The following ZNF804A variants were observed in gnomAD, a reference collection of about 807,000 sequenced individuals.
ZNF804A encodes zinc finger protein 804A.
Under a neutral mutation model 16.5 loss-of-function variants are expected in ZNF804A, and 2 were observed. The observed-to-expected ratio is 0.12, with a 90% CI of 0.05 to 0.38. ZNF804A has a LOEUF of 0.38. Ranked by LOEUF, ZNF804A falls within the 10% of genes least tolerant of loss-of-function variation. The pLI is 0.99. For synonymous variants in ZNF804A, 534 were observed against 489.6 expected (o/e 1.09, Z -1.20); for missense variants, 1,473 against 1,390.7 (o/e 1.06, Z -0.94).
At chr2:184,618,037 C>T (rs1280052183) in intron 1 of ZNF804A, among the ~76,000 whole-genome samples, 1 of 151,948 alleles carries the variant, frequency 6.6e-6, no homozygotes, top group East Asian at 1.9e-4. Flanking sequence ...AATACTAAGA[C>T]TTTAACATAT....
intron 1 of ZNF804A, among the ~76,000 whole-genome samples, chr2:184,807,819 A>G (rs564061201): frequency 2.6e-5 from 4 of 151,700 alleles, no homozygotes; most frequent in African/African-American, 9.6e-5. Context: ...TAAGGCATTC[A>G]TTTTTCTAGC....
intron 1 of ZNF804A, among the ~76,000 whole-genome samples, chr2:184,649,957 C>T (rs964970173): frequency 3.3e-5 from 5 of 151,794 alleles, no homozygotes; most frequent in Non-Finnish European, 5.9e-5. Context: ...CTAACTAATT[C>T]TATAAATCCA....
At chr2:184,708,939 C>T (rs1345243254) in intron 1 of ZNF804A, among the ~76,000 whole-genome samples, 2 of 152,022 alleles carry the variant, frequency 1.3e-5, no homozygotes, top group African/African-American at 4.8e-5. Context: ...CTTCACACAC[C>T]CTCGAAACTC....
At chr2:184,647,785 A>G (rs1691907573) in intron 1 of ZNF804A, among the ~76,000 whole-genome samples, 1 of 152,204 alleles carries the variant, frequency 6.6e-6, no homozygotes, top group South Asian at 2.1e-4. Flanking sequence ...GAGAGAAAGA[A>G]AAAAGGTAAA....
At chr2:184,682,054 G>A (rs892601797) in intron 1 of ZNF804A, among the ~76,000 whole-genome samples, 1 of 152,206 alleles carries the variant, frequency 6.6e-6, no homozygotes, top group Non-Finnish European at 1.5e-5. Flanking sequence ...GAAACTTTGG[G>A]CACCAACAAG....
rs183939274 is a variant in ZNF804A, at chr2:184,748,013, A to T, written c.112-118356A>T. On this transcript the variant is annotated intron_variant, in intron 1 of 3. Transcript: ENST00000302277. ...TTATGGCTCCATATGTATATGTAAC[A>T]CATTTTCTTTAGCCAGTCCACTATT... is the stretch of plus-strand genomic sequence containing the variant. Among the ~76,000 whole-genome samples the T allele has an allele frequency of 6.6e-5, 10 of 150,778 alleles. No individual in the cohort carries two copies. The East Asian group carries it at 1.9e-3, about 29-fold the overall frequency.
At chr2:184,795,277 C>A (rs1219838332) in intron 1 of ZNF804A, among the ~76,000 whole-genome samples, 1 of 152,084 alleles carries the variant, frequency 6.6e-6, no homozygotes, top group East Asian at 1.9e-4. Context: ...ACATTCAAAA[C>A]CATGCAAATA....
rs185098445 is a variant in ZNF804A, at chr2:184,746,118, C to T, written c.112-120251C>T. On this transcript the variant is annotated intron_variant, in intron 1 of 3. Transcript: ENST00000302277. Reference sequence around the variant, plus strand: ...TAATATTTGATAAAATACATACACACATATTTGATAAAATCTGGATATGTG... The same window carrying T: ...TAATATTTGATAAAATACATACACATATATTTGATAAAATCTGGATATGTG... Among the ~76,000 whole-genome samples the T allele has an allele frequency of 5.4e-3, 816 of 151,478 alleles. 2 individuals carry two copies. Among genetic ancestry groups the T allele is most frequent in the Non-Finnish European group, 9.2e-3 (623 of 67,602 alleles).
At chr2:184,926,237 C>T (rs1574273736) in intron 2 of ZNF804A, among the ~76,000 whole-genome samples, 1 of 152,038 alleles carries the variant, frequency 6.6e-6, no homozygotes, top group Middle Eastern at 3.4e-3. Context: ...GCTATTTCTC[C>T]TACCTGTTTG....
intron 1 of ZNF804A, among the ~76,000 whole-genome samples, chr2:184,819,299 C>T (rs1695034996): frequency 6.6e-6 from 1 of 151,990 alleles, no homozygotes; most frequent in African/African-American, 2.4e-5. Context: ...GGACCCTGAA[C>T]AACCTGCTTC....
chr2:184,828,266 C>T (rs1445924457), intron 1 of ZNF804A, among the ~76,000 whole-genome samples: 1 of 151,652 alleles, frequency 6.6e-6, no homozygotes, highest in Non-Finnish European at 1.5e-5. Context: ...AATGATTTTC[C>T]ATCCAGTAGA....
intron 1 of ZNF804A, among the ~76,000 whole-genome samples, chr2:184,776,357 G>A (rs1694284469): frequency 6.6e-6 from 1 of 151,340 alleles, no homozygotes; most frequent in Admixed American, 6.6e-5. Flanking sequence ...GATGAGGACG[G>A]CAACAGTATA....
chr2:184,873,532 G>T (rs931652452), intron 2 of ZNF804A, among the ~76,000 whole-genome samples: 1 of 152,104 alleles, frequency 6.6e-6, no homozygotes, highest in Non-Finnish European at 1.5e-5. Flanking sequence ...AGTTTTGTAA[G>T]TTTAACTGCA....
chr2:184,612,591 A>C (rs1050974496), intron 1 of ZNF804A, among the ~76,000 whole-genome samples: 2 of 151,888 alleles, frequency 1.3e-5, no homozygotes, highest in Admixed American at 6.6e-5. Flanking sequence ...CCCACCACCA[A>C]GTCTGGCTAA....
In ZNF804A at chr2:184,758,835, T is replaced by C. The variant is rs146310207; in HGVS notation, c.112-107534T>C. 5.9e-5 allele frequency among the ~76,000 whole-genome samples: 9 copies of C among 152,086 alleles called. No homozygotes were observed. In the East Asian group the frequency reaches 1.5e-3, roughly 26 times the overall value. On this transcript the variant is annotated intron_variant, in intron 1 of 3. Transcript: ENST00000302277. ...CTTAAAAATAGAATTTTAGTAAAAT[T>C]GAGAATTTTAAATTTCACAAAGTTA... is the stretch of plus-strand genomic sequence containing the variant.
chr2:184,750,262 A>C (rs1350840740), intron 1 of ZNF804A, among the ~76,000 whole-genome samples: 1 of 151,430 alleles, frequency 6.6e-6, no homozygotes, highest in African/African-American at 2.4e-5. Context: ...ACAGCATAGC[A>C]TAACCAAGTT....
At chr2:184,634,525 T>A (rs1180527752) in intron 1 of ZNF804A, among the ~76,000 whole-genome samples, 1 of 151,284 alleles carries the variant, frequency 6.6e-6, no homozygotes, top group Non-Finnish European at 1.5e-5. Context: ...GAGAAGGAGA[T>A]GTGATGACAG....
At chr2:184,780,822 A>G (rs545649345) in intron 1 of ZNF804A, among the ~76,000 whole-genome samples, 5 of 151,910 alleles carry the variant, frequency 3.3e-5, no homozygotes, top group African/African-American at 1.2e-4. Context: ...ACTGAAGACT[A>G]GAGACTTGCA....
chr2:184,886,917 A>G (rs1684900023), intron 2 of ZNF804A, among the ~76,000 whole-genome samples: 1 of 152,206 alleles, frequency 6.6e-6, no homozygotes, highest in East Asian at 1.9e-4. Context: ...TATTTTCCCC[A>G]TGGTTTTTGG....
Sources: gnomAD v4.1 joint callset for allele counts (sites outside exome capture counted in the v4.1 genomes callset) on GRCh38, gnomAD v4.1.1 for gene constraint, MANE v1.5 for transcripts, NCBI Gene and HGNC (gene_info 2026-07-23, HGNC 2026-07-21) for gene names.